Variants in GALNT14 observed in about 807,000 individuals in gnomAD.
The protein encoded by GALNT14 is UDP-GalNAc:polypeptide N-acetylgalactosaminyltransferase 14.
A neutral mutation model predicts 77.5 loss-of-function variants in GALNT14; 60 were observed. The ratio of observed to expected loss-of-function variants is 0.77; its 90% CI spans 0.63 to 0.96. The LOEUF is 0.96. GALNT14 is among the 40% of genes least tolerant of loss of function. GALNT14 has a pLI of 0.00. For synonymous variants in GALNT14, 280 were observed against 281.7 expected, an observed-to-expected ratio of 0.99 and a Z score of 0.06; for missense variants, 710 against 731.0, an observed-to-expected ratio of 0.97 and a Z score of 0.33.
intron 1 of GALNT14, among the ~76,000 whole-genome samples, chr2:31,038,667 C>T (rs1216036926): frequency 1.3e-5 from 2 of 151,968 alleles, no homozygotes; most frequent in African/African-American, 4.8e-5. Flanking sequence ...TTTAAGACTA[C>T]TGCAGAGCTG....
intron 1 of GALNT14, among the ~76,000 whole-genome samples, chr2:31,097,203 G>T (rs906763776): frequency 2.6e-5 from 4 of 152,066 alleles, no homozygotes; most frequent in Non-Finnish European, 5.9e-5. Context: ...TACAAAAATG[G>T]TGAAGACATT....
intron 9 of GALNT14, among the ~76,000 whole-genome samples, chr2:30,936,008 G>A (rs371690719): frequency 4.6e-5 from 7 of 152,148 alleles, no homozygotes; most frequent in Admixed American, 6.5e-5. Flanking sequence ...CTGAGTCAGC[G>A]CCCACATAAT....
intron 1 of GALNT14, among the ~76,000 whole-genome samples, chr2:31,064,455 A>C (rs749851583): frequency 4.6e-5 from 7 of 152,168 alleles, no homozygotes; most frequent in Non-Finnish European, 1.0e-4. Context: ...TGTCCCCGAA[A>C]ACCAAAGGAA....
intron 1 of GALNT14, among the ~76,000 whole-genome samples, chr2:31,031,088 C>G (rs904293284): frequency 6.6e-6 from 1 of 152,138 alleles, no homozygotes; most frequent in South Asian, 2.1e-4. Context: ...CCTGTAATGG[C>G]GATCACCATG....
chr2:31,081,539 T>C (rs1676155123), intron 1 of GALNT14, among the ~76,000 whole-genome samples: 1 of 152,224 alleles, frequency 6.6e-6, no homozygotes, highest in South Asian at 2.1e-4. Flanking sequence ...CAAAAACACA[T>C]TTTTACACTT....
chr2:30,904,305 C>A, the GALNT14 span, among the ~76,000 whole-genome samples: 1 of 152,236 alleles, frequency 6.6e-6, no homozygotes, highest in East Asian at 1.9e-4. Flanking sequence ...GTACGGGGTT[C>A]ATCTCTTTAG....
intron 1 of GALNT14, among the ~76,000 whole-genome samples, chr2:31,134,690 C>CA (rs1010932741): frequency 3.3e-5 from 5 of 152,188 alleles, no homozygotes; most frequent in African/African-American, 1.2e-4. Context: ...CTCCCTTACA[C>CA]AAACCCCCTG....
At chr2:31,062,050 AT>A (rs780835610) in intron 1 of GALNT14, among the ~76,000 whole-genome samples, 1 of 152,058 alleles carries the variant, frequency 6.6e-6, no homozygotes, top group Non-Finnish European at 1.5e-5. Context: ...AGTCATACTA[AT>A]TTTTTTTATT....
the GALNT14 span, among the ~76,000 whole-genome samples, chr2:30,889,346 G>T: frequency 6.6e-6 from 1 of 152,122 alleles, no homozygotes; most frequent in East Asian, 1.9e-4. Flanking sequence ...ATGGAACTTG[G>T]AACAGCTCCT....
chr2:30,980,370 G>T (rs1047716576), intron 2 of GALNT14, among the ~76,000 whole-genome samples: 5 of 152,222 alleles, frequency 3.3e-5, no homozygotes, highest in African/African-American at 1.2e-4. Context: ...GCCCCCTCTT[G>T]CCTGGGTGAC....
At chr2:30,939,542 C>T (rs1213167513) in intron 9 of GALNT14, among the ~76,000 whole-genome samples, 3 of 151,928 alleles carry the variant, frequency 2.0e-5, no homozygotes, top group Non-Finnish European at 4.4e-5. Context: ...CCCCTTAGGA[C>T]AAAAGGGAGC....
intron 1 of GALNT14, among the ~76,000 whole-genome samples, chr2:31,103,212 T>G (rs1677373626): frequency 6.6e-6 from 1 of 152,154 alleles, no homozygotes; most frequent in African/African-American, 2.4e-5. Flanking sequence ...GTTCTTCCAG[T>G]GTGATTCTTC....
chr2:31,067,615 T>G (rs1357611611), intron 1 of GALNT14, among the ~76,000 whole-genome samples: 1 of 152,126 alleles, frequency 6.6e-6, no homozygotes, highest in Admixed American at 6.5e-5. Flanking sequence ...TGCCTCAGTT[T>G]ACCCAGTTTC....
intron 9 of GALNT14, among the ~76,000 whole-genome samples, chr2:30,935,400 C>T (rs192120036): frequency 8.5e-5 from 13 of 152,274 alleles, no homozygotes; most frequent in Admixed American, 7.8e-4. Flanking sequence ...ACATTCCTAC[C>T]CTATCAACTC....
intron 3 of GALNT14, among the ~76,000 whole-genome samples, chr2:30,959,622 G>A (rs955597847): frequency 2.0e-5 from 3 of 152,210 alleles, no homozygotes; most frequent in African/African-American, 7.2e-5. Flanking sequence ...AGGAGAAAGT[G>A]TATAAAAAGC....
intron 1 of GALNT14, among the ~76,000 whole-genome samples, chr2:31,061,765 C>T (rs781279157): frequency 9.9e-5 from 15 of 152,158 alleles, no homozygotes; most frequent in Non-Finnish European, 1.5e-4. Flanking sequence ...TTTCCCCTGC[C>T]GAGTATGTTC....
downstream of GALNT14, among the ~76,000 whole-genome samples, chr2:30,908,031 C>G (rs1164495359): frequency 7.9e-6 from 1 of 126,436 alleles, no homozygotes; most frequent in Non-Finnish European, 1.6e-5. Context: ...TAAAAACTCT[C>G]AATAAATTAG....
intron 2 of GALNT14, among the ~76,000 whole-genome samples, chr2:30,972,519 A>G (rs895298553): frequency 2.6e-5 from 4 of 152,172 alleles, no homozygotes; most frequent in African/African-American, 7.2e-5. Flanking sequence ...CAGTAATCCT[A>G]TGAGGCTGCT....
intron 8 of GALNT14, among the ~76,000 whole-genome samples, chr2:30,943,419 T>C (rs207461613): frequency 6.6e-6 from 1 of 152,268 alleles, no homozygotes; most frequent in South Asian, 2.1e-4. Context: ...ATCAAAGAAG[T>C]AATTGATGGA....
Sources: allele counts gnomAD v4.1 joint callset (sites outside exome capture counted in the v4.1 genomes callset), GRCh38; gene constraint gnomAD v4.1.1; transcripts MANE v1.5; gene names NCBI Gene and HGNC (gene_info 2026-07-23, HGNC 2026-07-21).